NAV2: variants seen among roughly 807,000 people sequenced by gnomAD.
NAV2 encodes the protein helicase, APC down-regulated 1.
Under a neutral mutation model 223.2 loss-of-function variants are expected in NAV2, and 54 were observed. That is an observed-to-expected ratio of 0.24 (90% CI 0.19 to 0.30). The LOEUF is 0.30. Among genes scored for constraint, NAV2 ranks in the 10% least tolerant of loss-of-function variants. The pLI, the probability that NAV2 is intolerant of heterozygous loss-of-function variation, is 1.00. For synonymous variants in NAV2, 1,279 were observed against 1,239.3 expected (o/e 1.03, Z -0.67); for missense variants, 2,806 against 3,147.5 (o/e 0.89, Z 2.60).
chr11:19,606,203 C>T (rs777913916), intron 1 of NAV2, among the ~76,000 whole-genome samples: 1 of 152,204 alleles, frequency 6.6e-6, no homozygotes, highest in Non-Finnish European at 1.5e-5. Context: ...GCTGTGAAGA[C>T]TCTGCAAAGC....
intron 1 of NAV2, among the ~76,000 whole-genome samples, chr11:19,615,396 T>C (rs1026059698): frequency 1.3e-5 from 2 of 152,050 alleles, no homozygotes; most frequent in African/African-American, 4.8e-5. Flanking sequence ...ATATGGTTGT[T>C]GTAAAAGCCA....
At chr11:19,541,628 T>C (rs10833130) in intron 1 of NAV2, among the ~76,000 whole-genome samples, 42,573 of 152,126 alleles carry the variant, frequency 0.28, 8,208 homozygotes, top group African/African-American at 0.56. Flanking sequence ...CCTTATCTTT[T>C]TGACCCACTT....
intron 1 of NAV2, among the ~76,000 whole-genome samples, chr11:19,776,668 G>GTGTGTGTGTGTC (rs1170413542): frequency 2.7e-5 from 4 of 150,168 alleles, no homozygotes; most frequent in Middle Eastern, 3.4e-3. Flanking sequence ...GTGTGTGTGT[G>GTGTGTGTGTGTC]TGTGTGTGGT....
chr11:19,846,508 A>G (rs1344772843), intron 3 of NAV2, among the ~76,000 whole-genome samples: 1 of 152,208 alleles, frequency 6.6e-6, no homozygotes, highest in Non-Finnish European at 1.5e-5. Flanking sequence ...GAGGTCATCA[A>G]TTCCTGTGGA....
chr11:19,627,464 G>T (rs2047204153), intron 1 of NAV2, among the ~76,000 whole-genome samples: 1 of 152,096 alleles, frequency 6.6e-6, no homozygotes, highest in South Asian at 2.1e-4. Flanking sequence ...TTAGGCCATG[G>T]AAGTGGGAGG....
chr11:19,501,220 AC>A (rs2042953233), intron 1 of NAV2, among the ~76,000 whole-genome samples: 1 of 152,196 alleles, frequency 6.6e-6, no homozygotes, highest in Admixed American at 6.5e-5. Context: ...CCTGGATAAT[AC>A]ACAATATTCT....
intron 4 of NAV2, among the ~76,000 whole-genome samples, chr11:19,876,094 C>T (rs576750817): frequency 2.8e-4 from 42 of 152,236 alleles, no homozygotes; most frequent in Admixed American, 1.6e-3. Flanking sequence ...GTCGTGATCT[C>T]GGCTCACTGC....
intron 1 of NAV2, among the ~76,000 whole-genome samples, chr11:19,766,872 G>C (rs1223883368): frequency 6.6e-6 from 1 of 152,164 alleles, no homozygotes; most frequent in Non-Finnish European, 1.5e-5. Context: ...GAAAAAGAGA[G>C]CCTAGGCCCC....
chr11:19,457,815 A>T (rs1429182318), intron 1 of NAV2, among the ~76,000 whole-genome samples: 2 of 152,294 alleles, frequency 1.3e-5, no homozygotes, highest in African/African-American at 4.8e-5. Context: ...GCACGTGACA[A>T]AGCCCCCACC....
At chr11:19,700,132 T>C (rs756587234) in intron 1 of NAV2, among the ~76,000 whole-genome samples, 4 of 152,208 alleles carry the variant, frequency 2.6e-5, no homozygotes, top group African/African-American at 4.8e-5. Flanking sequence ...CCAGGAAATA[T>C]GGTAATCATA....
At chr11:20,032,735 G>C (rs1414328157) in intron 11 of NAV2, among the ~76,000 whole-genome samples, 1 of 152,188 alleles carries the variant, frequency 6.6e-6, no homozygotes, top group Non-Finnish European at 1.5e-5. Context: ...CACAGAAGCT[G>C]TGACCCTGCA....
chr11:20,058,499 A>G (rs1241009074), intron 19 of NAV2, among the ~76,000 whole-genome samples: 2 of 152,190 alleles, frequency 1.3e-5, no homozygotes, highest in African/African-American at 4.8e-5. Flanking sequence ...CATTATTAAA[A>G]TGGATTCTAG....
intron 29 of NAV2, among the ~76,000 whole-genome samples, chr11:20,094,473 C>T (rs2061097953): frequency 6.6e-6 from 1 of 152,114 alleles, no homozygotes; most frequent in African/African-American, 2.4e-5. Context: ...TGTGATCCAC[C>T]TGCCTCGGCC....
chr11:20,016,410 A>C (rs1435153310), intron 11 of NAV2, among the ~76,000 whole-genome samples: 1 of 152,238 alleles, frequency 6.6e-6, no homozygotes, highest in African/African-American at 2.4e-5. Context: ...CTGCTGAATG[A>C]AATCTTTTGT....
intron 19 of NAV2, 99 bp from the exon 20 acceptor site, chr11:20,062,208 G>C: frequency 5.1e-6 from 4 of 791,104 alleles, no homozygotes. Flanking sequence ...GTCATTCCAA[G>C]CCTGGAGTGT....
chr11:19,755,722 A>C (rs1756783844), intron 1 of NAV2, among the ~76,000 whole-genome samples: 1 of 152,216 alleles, frequency 6.6e-6, no homozygotes, highest in Non-Finnish European at 1.5e-5. Context: ...CCTTGTTATA[A>C]GGACACCAGT....
chr11:19,540,419 T>C (rs2044308446), intron 1 of NAV2, among the ~76,000 whole-genome samples: 1 of 152,370 alleles, frequency 6.6e-6, no homozygotes, highest in South Asian at 2.1e-4. Flanking sequence ...ACATTTTATA[T>C]ACATTTGTGC....
At chr11:19,424,552 G>T (rs1046914208) in intron 1 of NAV2, among the ~76,000 whole-genome samples, 14 of 151,924 alleles carry the variant, frequency 9.2e-5, no homozygotes, top group Admixed American at 5.9e-4. Flanking sequence ...GTGTTTTTTT[G>T]TTTGTTTGTT....
intron 1 of NAV2, among the ~76,000 whole-genome samples, chr11:19,643,923 C>T (rs2047741211): frequency 6.6e-6 from 1 of 152,220 alleles, no homozygotes; most frequent in Non-Finnish European, 1.5e-5. Flanking sequence ...ATTTGCTCTT[C>T]TAAATATGTG....
Sources: allele counts gnomAD v4.1 joint callset (sites outside exome capture counted in the v4.1 genomes callset), GRCh38; gene constraint gnomAD v4.1.1; transcripts MANE v1.5; gene names NCBI Gene and HGNC (gene_info 2026-07-23, HGNC 2026-07-21).